ERC2: variants seen among roughly 807,000 people sequenced by gnomAD.
ERC2 encodes ELKS/RAB6-interacting/CAST family member 2, also known as ERC protein 2.
In ERC2, 42 loss-of-function variants were observed where a neutral mutation model predicts 114.8. The observed-to-expected ratio is 0.37, with a 90% CI of 0.29 to 0.47. The LOEUF is 0.47. Among genes scored for constraint, ERC2 ranks in the 20% least tolerant of loss-of-function variants. ERC2 has a pLI of 0.99. For synonymous variants in ERC2, 454 were observed against 425.5 expected (o/e 1.07, Z -0.82); for missense variants, 939 against 1,150.7 (o/e 0.82, Z 2.66).
chr3:56,365,506 G>T (rs1043300847), intron 2 of ERC2, among the ~76,000 whole-genome samples: 12 of 152,244 alleles, frequency 7.9e-5, no homozygotes, highest in Non-Finnish European at 1.5e-4. Context: ...GTCATTAAGT[G>T]ATGCATGGCT....
intron 7 of ERC2, among the ~76,000 whole-genome samples, chr3:56,023,355 C>T (rs2073843050): frequency 1.3e-5 from 2 of 152,134 alleles, no homozygotes; most frequent in South Asian, 2.1e-4. Flanking sequence ...AGGGATGGTC[C>T]GTGTGATCTT....
intron 12 of ERC2, among the ~76,000 whole-genome samples, chr3:55,960,562 C>T (rs2068289327): frequency 6.6e-6 from 1 of 152,142 alleles, no homozygotes; most frequent in South Asian, 2.1e-4. Context: ...AGCACTCGGC[C>T]AATTTGTAAG....
intron 2 of ERC2, among the ~76,000 whole-genome samples, chr3:56,416,509 C>T (rs900878596): frequency 1.3e-5 from 2 of 152,078 alleles, no homozygotes; most frequent in Non-Finnish European, 2.9e-5. Context: ...AACATTAACA[C>T]TTCCAAGCCA....
intron 6 of ERC2, among the ~76,000 whole-genome samples, chr3:56,100,234 T>G (rs553423086): frequency 6.6e-6 from 1 of 152,328 alleles, no homozygotes; most frequent in Admixed American, 6.5e-5. Flanking sequence ...GTTTAATAGA[T>G]TATATTCTAT....
chr3:55,731,325 C>G (rs2065240594), intron 15 of ERC2, among the ~76,000 whole-genome samples: 1 of 152,202 alleles, frequency 6.6e-6, no homozygotes, highest in Non-Finnish European at 1.5e-5. Flanking sequence ...CAAAATTAAA[C>G]TACCTCTGAG....
intron 13 of ERC2, among the ~76,000 whole-genome samples, chr3:55,934,779 C>G (rs1446615275): frequency 6.6e-6 from 1 of 152,156 alleles, no homozygotes; most frequent in African/African-American, 2.4e-5. Flanking sequence ...AATATGAAGT[C>G]TTTTTGTGAT....
intron 6 of ERC2, among the ~76,000 whole-genome samples, chr3:56,129,619 A>C (rs1157752511): frequency 3.9e-5 from 6 of 152,192 alleles, no homozygotes; most frequent in Non-Finnish European, 8.8e-5. Flanking sequence ...CAAACCATTT[A>C]CCAGTAAGTA....
At chr3:56,198,492 T>C (rs780328717) in intron 3 of ERC2, among the ~76,000 whole-genome samples, 6 of 152,006 alleles carry the variant, frequency 3.9e-5, no homozygotes, top group African/African-American at 1.5e-4. Context: ...TGGCAGATGA[T>C]AGGTAGAGAA....
In ERC2 at chr3:55,675,103, T is replaced by C. The variant is rs887956884; in HGVS notation, c.*39+8691A>G. Among the ~76,000 whole-genome samples the C allele has an allele frequency of 2.0e-5, 3 of 152,164 alleles. No homozygotes were observed. In the East Asian group the frequency reaches 5.8e-4, roughly 29 times the overall value. Reference sequence around the variant, plus strand: ...CATCCCAATTTTACTCCACTCAAGATTGAACACACGAGCACCTTAGATCCT... The same window carrying C: ...CATCCCAATTTTACTCCACTCAAGACTGAACACACGAGCACCTTAGATCCT... On this transcript the variant is annotated intron_variant, in intron 17 of 17. Transcript: ENST00000288221.
intron 6 of ERC2, among the ~76,000 whole-genome samples, chr3:56,105,900 T>A (rs2078630633): frequency 6.6e-6 from 1 of 152,160 alleles, no homozygotes; most frequent in Non-Finnish European, 1.5e-5. Flanking sequence ...TCAGGGTCAA[T>A]CAGACACAAG....
At position 55,570,291 on chromosome 3, in the gene ERC2, T is replaced by C. The variant is rs545363458; in HGVS notation, c.*40-59015A>G. Among the ~76,000 whole-genome samples the C allele has an allele frequency of 5.9e-5, 9 of 152,196 alleles. No individual in the cohort carries two copies. The South Asian group carries it at 6.2e-4, about 11-fold the overall frequency. The stretch of plus-strand genomic sequence containing the variant: ...GGTACTTCTGGTCCCAGCTCAGTCA[T>C]AGGCAGGGTAGGGCAGCACGAGAGG... On this transcript the variant is annotated intron_variant, in intron 17 of 17. Coordinates refer to ENST00000288221, the MANE Select transcript of ERC2 (RefSeq NM_015576.3).
At chr3:56,192,726 G>A (rs1287096917) in intron 3 of ERC2, among the ~76,000 whole-genome samples, 1 of 152,116 alleles carries the variant, frequency 6.6e-6, no homozygotes, top group Non-Finnish European at 1.5e-5. Context: ...CAGGTGAATT[G>A]TCTTCAATGA....
chr3:55,604,324 G>A (rs2058548944), intron 17 of ERC2, among the ~76,000 whole-genome samples: 1 of 151,936 alleles, frequency 6.6e-6, no homozygotes, highest in African/African-American at 2.4e-5. Context: ...CATTAATATT[G>A]ATTATGCTAT....
intron 14 of ERC2, among the ~76,000 whole-genome samples, chr3:55,775,984 G>A (rs2068578379): frequency 1.3e-5 from 2 of 152,216 alleles, no homozygotes; most frequent in African/African-American, 4.8e-5. Flanking sequence ...GATAAAGAAA[G>A]CAGTTTGGTG....
Position 56,193,958 on chromosome 3 carries a change from T to A in ERC2, c.1075-20438A>T, listed in dbSNP as rs113548795. Among the ~76,000 whole-genome samples, 544 of 152,292 alleles carry A rather than the reference T, an allele frequency of 3.6e-3. 2 individuals are homozygous for A. Among genetic ancestry groups the A allele is most frequent in the African/African-American group, 0.013 (527 of 41,564 alleles). On this transcript the variant is annotated intron_variant, in intron 3 of 17. Coordinates refer to ENST00000288221, the MANE Select transcript of ERC2 (RefSeq NM_015576.3). ...CTGGTGAGTTAGACAGGGCTACCAA[T>A]AAACTGGGACTCAGGGAGGTTAATT...
At chr3:55,913,112 A>C (rs1390937897) in intron 13 of ERC2, among the ~76,000 whole-genome samples, 2 of 152,068 alleles carry the variant, frequency 1.3e-5, no homozygotes, top group Admixed American at 6.6e-5. Flanking sequence ...CAGCCTCCTG[A>C]GTAGCTAAGA....
intron 14 of ERC2, among the ~76,000 whole-genome samples, chr3:55,744,104 T>C (rs548198425): frequency 2.0e-5 from 3 of 152,322 alleles, no homozygotes; most frequent in African/African-American, 7.2e-5. Flanking sequence ...TTCATTTGCA[T>C]AGAAGTGCAA....
At chr3:56,150,833 C>T (rs2081375337) in intron 4 of ERC2, among the ~76,000 whole-genome samples, 1 of 152,044 alleles carries the variant, frequency 6.6e-6, no homozygotes, top group African/African-American at 2.4e-5. Context: ...GAAGCTCTAA[C>T]CCTCAATGTG....
chr3:56,375,960 C>A (rs56286622), intron 2 of ERC2, among the ~76,000 whole-genome samples: 5,070 of 152,260 alleles, frequency 0.033, 178 homozygotes, highest in African/African-American at 0.081. Context: ...GGTAACAGCC[C>A]ATGAGAAACT....
Sources: allele counts gnomAD v4.1 joint callset (sites outside exome capture counted in the v4.1 genomes callset), GRCh38; gene constraint gnomAD v4.1.1; transcripts MANE v1.5; gene names NCBI Gene and HGNC (gene_info 2026-07-23, HGNC 2026-07-21).